Variants in AOX1 observed in about 807,000 individuals in gnomAD.
AOX1 encodes aldehyde oxidase 1.
AOX1 carries 153 observed loss-of-function variants against 169.5 expected under a neutral mutation model. The ratio of observed to expected loss-of-function variants is 0.90; its 90% CI spans 0.79 to 1.03. The LOEUF is 1.03. Ranked by LOEUF, AOX1 falls within the 50% of genes least tolerant of loss-of-function variation. The probability of loss-of-function intolerance (pLI) is 0.00; values close to 1 mark genes in which losing one functional copy is unlikely to be tolerated. For synonymous variants in AOX1, 562 were observed against 581.9 expected, an observed-to-expected ratio of 0.97 and a Z score of 0.49; for missense variants, 1,656 against 1,663.9, an observed-to-expected ratio of 1.00 and a Z score of 0.08.
At chr2:200,608,311 T>G (rs2034557820) in intron 10 of AOX1, among the ~76,000 whole-genome samples, 1 of 152,226 alleles carries the variant, frequency 6.6e-6, no homozygotes, top group Non-Finnish European at 1.5e-5. Flanking sequence ...AACTATTCAA[T>G]GAAGGATACG....
chr2:200,610,318 C>T (rs182438810), intron 12 of AOX1, among the ~76,000 whole-genome samples: 223 of 152,262 alleles, frequency 1.5e-3, no homozygotes, highest in Non-Finnish European at 2.5e-3. Flanking sequence ...GTGATCCACC[C>T]GCCTCTGCCT....
chr2:200,653,143 G>A (rs1235305550), intron 26 of AOX1, among the ~76,000 whole-genome samples: 1 of 152,164 alleles, frequency 6.6e-6, no homozygotes, highest in Non-Finnish European at 1.5e-5. Flanking sequence ...GTTACACCAC[G>A]TGGTCTCCCC....
intron 22 of AOX1, 91 bp from the exon 23 acceptor site, chr2:200,638,124 T>G: frequency 8.9e-7 from 1 of 1,118,228 alleles, no homozygotes; most frequent in African/African-American, 1.5e-5. Context: ...GCGTGTAGGC[T>G]CCACTCAGGC....
chr2:200,673,947 G>T (rs569728015), downstream of AOX1, among the ~76,000 whole-genome samples: 1 of 152,284 alleles, frequency 6.6e-6, no homozygotes, highest in East Asian at 1.9e-4. Flanking sequence ...CTGCTCTGCA[G>T]TTACAGGCAC....
intron 2 of AOX1, 28 bp downstream of exon 2, chr2:200,593,231 A>ATG (rs1559229276): frequency 1.6e-5 from 25 of 1,570,604 alleles, no homozygotes; most frequent in Non-Finnish European, 2.1e-5. Context: ...TTGACTGTGT[A>ATG]TGTGTGTGTG....
chr2:200,664,977 A>G (rs1036790755), intron 31 of AOX1, among the ~76,000 whole-genome samples: 1 of 152,332 alleles, frequency 6.6e-6, no homozygotes, highest in African/African-American at 2.4e-5. Context: ...TCAAGGCTCA[A>G]CGGGGACAGG....
At chr2:200,617,481 C>CAAAAAAAA (rs35035526) in intron 16 of AOX1, among the ~76,000 whole-genome samples, 31 of 58,164 alleles carry the variant, frequency 5.3e-4, no homozygotes, top group Non-Finnish European at 8.5e-4. Context: ...CAACTAACTG[C>CAAAAAAAA]AAAAAAAAAA....
Position 200,647,052 on chromosome 2 carries a change from A to T in AOX1, c.2848-3922A>T, listed in dbSNP as rs182404088. On this transcript the variant is annotated intron_variant, in intron 25 of 34. Transcript: ENST00000374700. ...TGTATCTTTTAAGTGGAGAATTTAG[A>T]CCATTTATATTCAATGTTAGTATTG... is the stretch of plus-strand genomic sequence containing the variant. Among the ~76,000 whole-genome samples, 133 of 152,108 alleles carry T rather than the reference A, an allele frequency of 8.7e-4. 1 individual carries two copies. Among genetic ancestry groups the T allele is most frequent in the Non-Finnish European group, 9.6e-4 (65 of 67,960 alleles).
At chr2:200,599,245 T>G (rs184388279) in intron 4 of AOX1, among the ~76,000 whole-genome samples, 4 of 152,350 alleles carry the variant, frequency 2.6e-5, no homozygotes, top group Admixed American at 2.0e-4. Context: ...TCTCAGTAAT[T>G]CACAACCACA....
intron 31 of AOX1, among the ~76,000 whole-genome samples, chr2:200,664,596 TG>T (rs374025217): frequency 1.7e-4 from 26 of 152,248 alleles, no homozygotes; most frequent in African/African-American, 5.5e-4. Context: ...CTTATTTGAA[TG>T]ATCTTAGGGG....
At chr2:200,680,534 G>GGTTTTTGTTTTTGTTTTT (rs71022331), downstream of AOX1, among the ~76,000 whole-genome samples, 1,285 of 149,362 alleles carry the variant, frequency 8.6e-3, 22 homozygotes, top group East Asian at 0.082. Context: ...TCAGGGCCAA[G>GGTTTTTGTTTTTGTTTTT]GTTTTTGTTT....
chr2:200,658,054 C>T (rs913883313), intron 27 of AOX1, among the ~76,000 whole-genome samples: 1 of 152,188 alleles, frequency 6.6e-6, no homozygotes, highest in Non-Finnish European at 1.5e-5. Context: ...ATTTAACCAT[C>T]CCCCAGTTGT....
chr2:200,627,309 G>A (rs748791485), intron 19 of AOX1, 44 bp from the exon 20 acceptor site: 3 of 1,367,034 alleles, frequency 2.2e-6, no homozygotes, highest in Non-Finnish European at 3.1e-6. Context: ...CCCTAGGGCA[G>A]GGTCTCTTGC....
chr2:200,597,476 A>G lies in AOX1; in HGVS notation c.280A>G (p.Ser94Gly). ...AAVTTVEGIG[S>G]THTRIHPVQE... ...CGTCACCACAGTAGAAGGCATAGGA[A>G]GCACCCACACCAGAATTCATCCTGT... The change falls in exon 4 of 35, where the codon AGC (serine) becomes GGC (glycine). Residue 94 changes from serine (S) to glycine (G), a missense_variant. By Grantham distance (56) the Ser-to-Gly change is moderately conservative. Transcript: ENST00000374700. 3 of 1,612,534 alleles carry G rather than the reference A, an allele frequency of 1.9e-6. No homozygotes were observed. Among genetic ancestry groups the G allele is most frequent in the Non-Finnish European group, 1.7e-6 (2 of 1,179,256 alleles).
rs2036013859 is a variant in AOX1, at chr2:200,670,787, C to A, written c.*108C>A. On this transcript the variant is annotated 3_prime_UTR_variant, in exon 35 of 35. Transcript: ENST00000374700. ...TCTGAAAGACAGAGTTTCCACAGTT[C>A]AGAAATCATCCCACAGTGTTGCTTT... The A allele has an allele frequency of 1.2e-6, 1 of 844,036 alleles. No individual in the cohort carries two copies. Among genetic ancestry groups the A allele is most frequent in the Non-Finnish European group, 1.9e-6 (1 of 524,502 alleles). The allele number at this position is 844,036 out of a possible 1,614,324, so 52.3% of individuals were successfully genotyped here. A position where few individuals can be genotyped will look rare whatever the true frequency, so the allele number is the denominator to read the frequency against.
At position 200,651,110 on chromosome 2, in the gene AOX1, A is replaced by G. The variant is rs766283929; in HGVS notation, c.2984A>G (p.Lys995Arg). The G allele has an allele frequency of 1.7e-5, 28 of 1,614,078 alleles. No individual in the cohort carries two copies. Among genetic ancestry groups the G allele is most frequent in the Admixed American group, 3.3e-5 (2 of 60,012 alleles). The change falls in exon 26 of 35, where the codon AAG becomes AGG. Residue 995 changes from lysine to arginine, a missense_variant. Physicochemically the swap from Lys to Arg is conservative, Grantham distance 26. Transcript: ENST00000374700. ...SYSLRKVAVE[K>R]FNAENYWKKK... Reference sequence around the variant, plus strand: ...TCCTTGAGGAAAGTTGCTGTGGAAAAGTTCAATGCAGAGAATTATTGGAAG... The same window carrying G: ...TCCTTGAGGAAAGTTGCTGTGGAAAGGTTCAATGCAGAGAATTATTGGAAG...
chr2:200,640,067 A>C (rs1341664855), intron 23 of AOX1, among the ~76,000 whole-genome samples: 1 of 151,122 alleles, frequency 6.6e-6, no homozygotes, highest in Non-Finnish European at 1.5e-5. Flanking sequence ...ATGGATAGGC[A>C]GAAGGAAGGC....
chr2:200,628,417 A>C (rs1282459124), intron 20 of AOX1, among the ~76,000 whole-genome samples: 1 of 152,114 alleles, frequency 6.6e-6, no homozygotes, highest in Non-Finnish European at 1.5e-5. Flanking sequence ...GAGGTTCATC[A>C]TAAGTCTTAA....
In AOX1 at chr2:200,670,669, T is replaced by G. The variant is rs765052288; in HGVS notation, c.4007T>G (p.Val1336Gly). The change falls in exon 35 of 35, where the codon GTA becomes GGA. Residue 1336 changes from valine (V) to glycine (G), a missense_variant. Transcript: ENST00000374700. ...CCTGGATCCTACGTTCCTTGGAATG[T>G]ACCCATCTGAATCAAATGCAAACTT... ...DEPGSYVPWNVPI is the reference protein window; with the variant it reads ...DEPGSYVPWNGPI 6.2e-7 allele frequency: 1 copy of G among 1,612,690 alleles called. No individual in the cohort carries two copies. The highest frequency in any genetic ancestry group is 1.7e-5 in the Admixed American group (1 of 60,020).
Sources: gnomAD v4.1 joint callset for allele counts (sites outside exome capture counted in the v4.1 genomes callset) on GRCh38, gnomAD v4.1.1 for gene constraint, MANE v1.5 for transcripts, NCBI Gene and HGNC (gene_info 2026-07-23, HGNC 2026-07-21) for gene names.